TENM4: variants seen among roughly 807,000 people sequenced by gnomAD.
TENM4 encodes the protein teneurin transmembrane protein 4.
In TENM4, 82 loss-of-function variants were observed where a neutral mutation model predicts 243.3. The observed-to-expected ratio is 0.34, with a 90% confidence interval of 0.28 to 0.40. The LOEUF (loss-of-function observed/expected upper bound fraction) is 0.40, where lower values mean the gene tolerates loss of function less well. Ranked by LOEUF, TENM4 falls within the 10% of genes least tolerant of loss-of-function variation. The pLI is 1.00. For synonymous variants in TENM4, 1,412 were observed against 1,456.3 expected, an observed-to-expected ratio of 0.97 and a Z score of 0.69; for missense variants, 3,138 against 3,673.3, an observed-to-expected ratio of 0.85 and a Z score of 3.77.
chr11:79,353,892 T>A (rs1470557267), intron 1 of TENM4, among the ~76,000 whole-genome samples: 1 of 152,238 alleles, frequency 6.6e-6, no homozygotes, highest in Non-Finnish European at 1.5e-5. Flanking sequence ...ATAGCCTCTA[T>A]GGCTGCTTTC....
Position 79,069,898 on chromosome 11 carries a change from C to T in TENM4, c.47G>A (p.Arg16His). The T allele has an allele frequency of 6.5e-7, 1 of 1,548,158 alleles. No homozygotes were observed. The highest frequency in any genetic ancestry group is 1.2e-5 in the South Asian group (1 of 83,970). ...RKPYRSLTRRRDAERRYTSSS... is the reference protein window; with the variant it reads ...RKPYRSLTRRHDAERRYTSSS... The stretch of plus-strand genomic sequence containing the variant: ...GCTGGTGTAGCGGCGCTCGGCGTCG[C>T]GGCGCCGGGTCAGCGAGCGGTAAGG... Residue 16 changes from arginine to histidine, a missense_variant, in exon 5 of 34, where the codon CGC becomes CAC. Transcript: ENST00000278550.
intron 4 of TENM4, among the ~76,000 whole-genome samples, chr11:79,146,899 A>G (rs1030070837): frequency 3.3e-5 from 5 of 152,022 alleles, no homozygotes; most frequent in South Asian, 4.1e-4. Flanking sequence ...CCTCTGTTAT[A>G]CTCCTTAGAG....
intron 4 of TENM4, among the ~76,000 whole-genome samples, chr11:79,099,497 G>T (rs1446907771): frequency 6.6e-6 from 1 of 152,126 alleles, no homozygotes; most frequent in Non-Finnish European, 1.5e-5. Context: ...CAAAGAGGTG[G>T]ATGATATCAT....
At chr11:78,842,477 C>T (rs1168850941) in intron 12 of TENM4, among the ~76,000 whole-genome samples, 1 of 152,232 alleles carries the variant, frequency 6.6e-6, no homozygotes, top group East Asian at 1.9e-4. Flanking sequence ...CTATACAACA[C>T]CCAACTCATG....
chr11:78,903,208 CT>C, intron 7 of TENM4, 59 bp downstream of exon 7: 1 of 1,461,116 alleles, frequency 6.8e-7, no homozygotes, highest in Non-Finnish European at 9.0e-7. Context: ...AGCCAAAGAC[CT>C]TGGTCCGGGC....
chr11:78,849,149 A>C (rs1324356864), intron 12 of TENM4, among the ~76,000 whole-genome samples: 1 of 152,236 alleles, frequency 6.6e-6, no homozygotes, highest in African/African-American at 2.4e-5. Context: ...AGCCAAAATG[A>C]AAAGATAAGA....
intron 6 of TENM4, among the ~76,000 whole-genome samples, chr11:79,013,813 G>A (rs1326232455): frequency 1.3e-5 from 2 of 152,164 alleles, no homozygotes; most frequent in African/African-American, 4.8e-5. Context: ...ACCCTCCAAA[G>A]GCTCTTCAAC....
chr11:78,864,176 AT>A (rs1858899143), intron 9 of TENM4, among the ~76,000 whole-genome samples: 1 of 152,186 alleles, frequency 6.6e-6, no homozygotes. Flanking sequence ...GATACTATGG[AT>A]CGGGGGATAG....
intron 1 of TENM4, among the ~76,000 whole-genome samples, chr11:79,344,680 T>C (rs1857298649): frequency 6.6e-6 from 1 of 152,230 alleles, no homozygotes; most frequent in Non-Finnish European, 1.5e-5. Flanking sequence ...CCCTTCCTTT[T>C]GACCCTTCCA....
At chr11:78,767,926 T>C (rs921683554) in intron 18 of TENM4, among the ~76,000 whole-genome samples, 13 of 152,240 alleles carry the variant, frequency 8.5e-5, no homozygotes, top group African/African-American at 3.1e-4. Context: ...TTATGTCTCC[T>C]TGGAAAGGAG....
intron 4 of TENM4, among the ~76,000 whole-genome samples, chr11:79,079,576 T>C (rs939771849): frequency 6.6e-5 from 10 of 152,136 alleles, no homozygotes; most frequent in Admixed American, 5.2e-4. Flanking sequence ...ACGCCTGTAA[T>C]CCCAGCACTT....
chr11:79,312,968 C>T (rs1270397562), intron 1 of TENM4, among the ~76,000 whole-genome samples: 1 of 152,222 alleles, frequency 6.6e-6, no homozygotes, highest in Non-Finnish European at 1.5e-5. Flanking sequence ...TCAGGATTCG[C>T]TGCCCACCTA....
chr11:78,672,651 C>T (rs563020754), intron 30 of TENM4, among the ~76,000 whole-genome samples: 6 of 152,304 alleles, frequency 3.9e-5, no homozygotes, highest in Admixed American at 6.5e-5. Context: ...AATGAGGACA[C>T]GTTTTAAAAG....
At chr11:78,965,828 T>C (rs929198957) in intron 6 of TENM4, among the ~76,000 whole-genome samples, 12 of 147,612 alleles carry the variant, frequency 8.1e-5, no homozygotes, top group Non-Finnish European at 1.1e-4. Context: ...ACAGTTATTA[T>C]TGGAAACAAG....
chr11:78,805,279 C>CCCACCCACCA lies in TENM4; in HGVS notation c.2179+12_2179+13insTGGTGGGTGG. ...CCTCCCTCTACCCATGCTTCTTCTC[C>CCCACCCACCA]CCCTGCATTTACCGATAGAACAGTC... On this transcript the variant is annotated intron_variant, in intron 15 of 33. Coordinates refer to ENST00000278550, the MANE Select transcript of TENM4 (RefSeq NM_001098816.3). The CCCACCCACCA allele has an allele frequency of 2.0e-6, 3 of 1,512,306 alleles. No individual in the cohort carries two copies. Among genetic ancestry groups the CCCACCCACCA allele is most frequent in the Non-Finnish European group, 2.7e-6 (3 of 1,117,006 alleles). 93.7% of individuals were successfully genotyped at this position (1,512,306 alleles called of 1,614,324 possible).
chr11:79,208,783 G>T (rs1863898482), intron 3 of TENM4, among the ~76,000 whole-genome samples: 1 of 152,192 alleles, frequency 6.6e-6, no homozygotes, highest in Non-Finnish European at 1.5e-5. Context: ...CTCACCCCTG[G>T]AGTGTTTTCT....
chr11:79,340,556 GCA>G (rs1282400208), intron 1 of TENM4, among the ~76,000 whole-genome samples: 2 of 152,062 alleles, frequency 1.3e-5, no homozygotes, highest in African/African-American at 4.8e-5. Context: ...TGCTGCCATA[GCA>G]CACGTTTGCT....
intron 27 of TENM4, among the ~76,000 whole-genome samples, chr11:78,702,718 T>G (rs980666795): frequency 2.6e-5 from 4 of 152,170 alleles, no homozygotes; most frequent in East Asian, 1.9e-4. Context: ...AGTCCACTAC[T>G]TATGACTGTG....
intron 6 of TENM4, among the ~76,000 whole-genome samples, chr11:78,917,944 C>T (rs1432756507): frequency 6.6e-6 from 1 of 152,144 alleles, no homozygotes; most frequent in Non-Finnish European, 1.5e-5. Flanking sequence ...ATGTAAAGTG[C>T]TAAGAACACG....
Sources: allele counts gnomAD v4.1 joint callset (sites outside exome capture counted in the v4.1 genomes callset), GRCh38; gene constraint gnomAD v4.1.1; transcripts MANE v1.5; gene names NCBI Gene and HGNC (gene_info 2026-07-23, HGNC 2026-07-21).